Variants in STARD13 observed in about 807,000 individuals in gnomAD.
STARD13 encodes stAR-related lipid transfer protein 13.
STARD13 carries 62 observed loss-of-function variants against 106.4 expected under a neutral mutation model. The ratio of observed to expected loss-of-function variants is 0.58; its 90% CI spans 0.48 to 0.72. The LOEUF (loss-of-function observed/expected upper bound fraction) is 0.72, where lower values mean the gene tolerates loss of function less well. Ranked by LOEUF, STARD13 falls within the 30% of genes least tolerant of loss-of-function variation. STARD13 has a pLI of 0.00. For synonymous variants in STARD13, 565 were observed against 553.0 expected (o/e 1.02, Z -0.31); for missense variants, 1,387 against 1,424.0 (o/e 0.97, Z 0.42).
chr13:33,585,129 C>T, the STARD13 span, among the ~76,000 whole-genome samples: 1 of 152,214 alleles, frequency 6.6e-6, no homozygotes, highest in South Asian at 2.1e-4. Context: ...GACAAAATAA[C>T]AAGTGTCGGC....
the STARD13 span, among the ~76,000 whole-genome samples, chr13:33,499,525 C>CT: frequency 5.2e-3 from 186 of 35,980 alleles, no homozygotes; most frequent in African/African-American, 8.5e-3. Flanking sequence ...TTTCTTTCTT[C>CT]TTCTTCTTCT....
chr13:33,310,821 C>G (rs918877363), intron 1 of STARD13, among the ~76,000 whole-genome samples: 3 of 151,942 alleles, frequency 2.0e-5, no homozygotes, highest in African/African-American at 7.3e-5. Flanking sequence ...TCACAGTTTG[C>G]AAACAAACCT....
the STARD13 span, among the ~76,000 whole-genome samples, chr13:33,458,373 T>C: frequency 0.3 from 45,490 of 150,772 alleles, 7,597 homozygotes; most frequent in Non-Finnish European, 0.39. Context: ...CCCGGGTTCA[T>C]GCCATTCTCC....
At chr13:33,438,979 C>T in the STARD13 span, among the ~76,000 whole-genome samples, 56 of 152,246 alleles carry the variant, frequency 3.7e-4, no homozygotes, top group African/African-American at 1.2e-3. Context: ...TCTAGCAATA[C>T]GCTATCTACA....
intron 1 of STARD13, among the ~76,000 whole-genome samples, chr13:33,239,464 A>G (rs1429356405): frequency 6.6e-6 from 1 of 152,152 alleles, no homozygotes; most frequent in African/African-American, 2.4e-5. Flanking sequence ...TCTGTTTTCC[A>G]TAGCAGCTGC....
chr13:33,524,058 A>T, the STARD13 span, among the ~76,000 whole-genome samples: 1 of 152,110 alleles, frequency 6.6e-6, no homozygotes, highest in East Asian at 1.9e-4. Flanking sequence ...ATATGTTCTC[A>T]TTACAAATTT....
At chr13:33,528,455 G>T in the STARD13 span, among the ~76,000 whole-genome samples, 9 of 150,328 alleles carry the variant, frequency 6.0e-5, no homozygotes, top group Non-Finnish European at 1.2e-4. Context: ...CTTTATTTTT[G>T]TAGAGATGAG....
the STARD13 span, among the ~76,000 whole-genome samples, chr13:33,381,672 G>T: frequency 6.6e-6 from 1 of 152,046 alleles, no homozygotes; most frequent in Admixed American, 6.6e-5. Context: ...CCCAGGAGGC[G>T]GAGGTTGCAG....
At chr13:33,545,505 T>A in the STARD13 span, among the ~76,000 whole-genome samples, 3 of 152,242 alleles carry the variant, frequency 2.0e-5, no homozygotes, top group Non-Finnish European at 4.4e-5. Flanking sequence ...ATATTTCATA[T>A]ACCTGCTGTA....
chr13:33,452,123 C>T, the STARD13 span, among the ~76,000 whole-genome samples: 2 of 152,064 alleles, frequency 1.3e-5, no homozygotes, highest in Non-Finnish European at 2.9e-5. Context: ...GGAGAAGGAG[C>T]TAGTCAAGAA....
chr13:33,357,943 T>C, the STARD13 span, among the ~76,000 whole-genome samples: 9 of 150,870 alleles, frequency 6.0e-5, no homozygotes, highest in East Asian at 1.6e-3. Context: ...TGGCCAAGGC[T>C]GGAGCCCACT....
the STARD13 span, among the ~76,000 whole-genome samples, chr13:33,655,572 T>G: frequency 2.6e-5 from 4 of 152,194 alleles, no homozygotes; most frequent in South Asian, 8.3e-4. Flanking sequence ...CCTTTGTATA[T>G]ATTTTTATTG....
chr13:33,478,281 G>C, the STARD13 span, among the ~76,000 whole-genome samples: 2 of 152,058 alleles, frequency 1.3e-5, no homozygotes, highest in Non-Finnish European at 2.9e-5. Context: ...CAAATCCTTG[G>C]TGTTTCAGTA....
the STARD13 span, among the ~76,000 whole-genome samples, chr13:33,376,131 G>A: frequency 6.6e-6 from 1 of 152,042 alleles, no homozygotes; most frequent in Non-Finnish European, 1.5e-5. Flanking sequence ...CTTAATGTAA[G>A]CTTAATGTGT....
Position 33,285,661 on chromosome 13 carries a change from C to T in STARD13, c.-23G>A, listed in dbSNP as rs946638177. 3 of 1,609,886 alleles carry T rather than the reference C, an allele frequency of 1.9e-6. No homozygotes were observed. Among genetic ancestry groups the T allele is most frequent in the Non-Finnish European group, 2.5e-6 (3 of 1,178,770 alleles). On this transcript the variant is annotated 5_prime_UTR_variant, in exon 1 of 14. The change creates a new upstream start codon in the 5' untranslated region. Transcript: ENST00000336934. ...CATCTCGGCAGATTTCCTATTGCCA[C>T]CTCAGTCTGCCTGTGGCTGTTGCCG...
chr13:33,513,343 G>A, the STARD13 span, among the ~76,000 whole-genome samples: 137 of 152,172 alleles, frequency 9.0e-4, no homozygotes, highest in African/African-American at 2.8e-3. Flanking sequence ...AGACACTTGG[G>A]GTCTGAGGCG....
intron 1 of STARD13, among the ~76,000 whole-genome samples, chr13:33,208,680 G>T (rs1402292561): frequency 1.3e-5 from 2 of 152,142 alleles, no homozygotes; most frequent in African/African-American, 4.8e-5. Flanking sequence ...GGAGGCTATG[G>T]CAATTATTTC....
At chr13:33,148,812 A>G (rs1231141302) in intron 3 of STARD13, among the ~76,000 whole-genome samples, 1 of 152,240 alleles carries the variant, frequency 6.6e-6, no homozygotes, top group Non-Finnish European at 1.5e-5. Flanking sequence ...AAACTTGAAA[A>G]CAACTGATAT....
the STARD13 span, among the ~76,000 whole-genome samples, chr13:33,407,310 G>T: frequency 6.6e-6 from 1 of 152,162 alleles, no homozygotes; most frequent in African/African-American, 2.4e-5. Flanking sequence ...CACAGTCATT[G>T]TCCCCTCAGC....
Sources: gnomAD v4.1 joint callset for allele counts (sites outside exome capture counted in the v4.1 genomes callset) on GRCh38, gnomAD v4.1.1 for gene constraint, MANE v1.5 for transcripts, NCBI Gene and HGNC (gene_info 2026-07-23, HGNC 2026-07-21) for gene names.